Variants in ATXN7L2 observed in about 807,000 individuals in gnomAD.
ATXN7L2 encodes the protein ataxin 7 like 2.
In ATXN7L2, 17 loss-of-function variants were observed where a neutral mutation model predicts 59.6. That is an observed-to-expected ratio of 0.29 (90% CI 0.20 to 0.43). ATXN7L2 has a LOEUF of 0.43. Ranked by LOEUF, ATXN7L2 falls within the 20% of genes least tolerant of loss-of-function variation. ATXN7L2 has a pLI of 1.00. For synonymous variants in ATXN7L2, 378 were observed against 392.5 expected (o/e 0.96, Z 0.44); for missense variants, 858 against 1,008.9 (o/e 0.85, Z 2.03).
chr1:109,491,368 C>G lies in ATXN7L2; in HGVS notation c.1901C>G (p.Ser634Trp), dbSNP rs759451895. 1 of 1,614,248 alleles carries G rather than the reference C, an allele frequency of 6.2e-7. No individual in the cohort carries two copies. Among genetic ancestry groups the G allele is most frequent in the Non-Finnish European group, 8.5e-7 (1 of 1,180,040 alleles). Residue 634 changes from serine to tryptophan, a missense_variant, in exon 10 of 11, where the codon TCG becomes TGG. Ser to Trp is a radical substitution (Grantham distance 177). Coordinates refer to ENST00000683729, the MANE Select transcript of ATXN7L2 (RefSeq NM_001350175.2). The surrounding 1 kb of genome is among the most constrained non-coding windows in gnomAD (Gnocchi z 4.1). ...KGKPSGCRGLSAKTKTALSMG... is the reference protein window; with the variant it reads ...KGKPSGCRGLWAKTKTALSMG... The stretch of plus-strand genomic sequence containing the variant: ...AAACCCTCTGGCTGTAGGGGCCTCT[C>G]GGCCAAAACTAAAACAGCCCTGAGC...
At position 109,488,260 on chromosome 1, in the gene ATXN7L2, G is replaced by C. The variant is rs1656740066; in HGVS notation, c.797-123G>C. 1.1e-6 allele frequency: 1 copy of C among 914,196 alleles called. No homozygotes were observed. The highest frequency in any genetic ancestry group is 1.4e-5 in the South Asian group (1 of 70,400). 56.6% of individuals were successfully genotyped at this position (914,196 alleles called of 1,614,324 possible). A position where few individuals can be genotyped will look rare whatever the true frequency, so the allele number is the denominator to read the frequency against. On this transcript the variant is annotated intron_variant, in intron 5 of 10. Coordinates refer to ENST00000683729, the MANE Select transcript of ATXN7L2 (RefSeq NM_001350175.2). This position sits in a 1 kb window ranked among gnomAD's most constrained non-coding sequence, Gnocchi z 5.0. ...GTTTATCTGGAAGGTACAGCCCCAG[G>C]CTGAGGGCTGGAGTCTCTTCTGCCT...
In ATXN7L2 at chr1:109,491,009, C is replaced by T. The variant is rs1657009488; in HGVS notation, c.1542C>T (p.Cys514=). The change falls in exon 10 of 11, where the codon TGC becomes TGT. Residue 514 remains cysteine (C), a synonymous_variant. Transcript: ENST00000683729. The surrounding 1 kb of genome is among the most constrained non-coding windows in gnomAD (Gnocchi z 4.1). ...TGAGCCCATCCTCTACAGGCACCTG[C>T]CCCCGCCTTCCAGGTCCAACCCTGA... is the stretch of plus-strand genomic sequence containing the variant. The part of the protein sequence containing the change: ...APLSPSSTGT[C]PRLPGPTLRP... 1.9e-6 allele frequency: 3 copies of T among 1,613,364 alleles called. No homozygotes were observed.
rs377600752 is a variant in ATXN7L2 at position 109,488,949 on chromosome 1, A to G, written c.982A>G (p.Lys328Glu). ...CAACTCCCGCAAAGGGGAGTCTCCC[A>G]AGGAGAAGAGCCCAGGGCGCAAGGA... The part of the protein sequence containing the change: ...KANSRKGESP[K>E]EKSPGRKEQV... Residue 328 changes from lysine (K) to glutamate (E), a missense_variant, in exon 7 of 11, where the codon AAG (lysine) becomes GAG (glutamate). Transcript: ENST00000683729. The surrounding 1 kb of genome is among the most constrained non-coding windows in gnomAD (Gnocchi z 5.0). 2 of 1,614,152 alleles carry G rather than the reference A, an allele frequency of 1.2e-6. No homozygotes were observed. The highest frequency in any genetic ancestry group is 1.7e-6 in the Non-Finnish European group (2 of 1,180,026).
intron 10 of ATXN7L2, among the ~76,000 whole-genome samples, chr1:109,492,349 CG>C (rs1263643963): frequency 6.6e-6 from 1 of 152,142 alleles, no homozygotes; most frequent in Non-Finnish European, 1.5e-5. Context: ...GGAGGTGGGA[CG>C]GGGGTGCTCT....
Position 109,491,932 on chromosome 1 carries a change from C to A in ATXN7L2, c.2250+215C>A. On this transcript the variant is annotated intron_variant, in intron 10 of 10. Coordinates refer to ENST00000683729, the MANE Select transcript of ATXN7L2 (RefSeq NM_001350175.2). The surrounding 1 kb of genome is among the most constrained non-coding windows in gnomAD (Gnocchi z 4.1). ...AACCTTCCCCTATCCCTAACCCTTTCCCTTGGGCTGAGGAGATGCGGCACC... is the reference window on the plus strand; with the variant it reads ...AACCTTCCCCTATCCCTAACCCTTTACCTTGGGCTGAGGAGATGCGGCACC... The A allele has an allele frequency of 1.6e-6, 2 of 1,222,652 alleles. No homozygotes were observed. The highest frequency in any genetic ancestry group is 2.1e-6 in the Non-Finnish European group (2 of 930,784). 75.7% of individuals were successfully genotyped at this position (1,222,652 alleles called of 1,614,324 possible).
In ATXN7L2 at chr1:109,491,385, G is replaced by A. The variant is rs972978382; in HGVS notation, c.1918G>A (p.Ala640Thr). 3 of 1,614,150 alleles carry A rather than the reference G, an allele frequency of 1.9e-6. No homozygotes were observed. The African/African-American group carries it at 4.0e-5, about 22-fold the overall frequency. Reference sequence around the variant, plus strand: ...GGGCCTCTCGGCCAAAACTAAAACAGCCCTGAGCATGGGGCTTAATGGGAC... The same window carrying A: ...GGGCCTCTCGGCCAAAACTAAAACAACCCTGAGCATGGGGCTTAATGGGAC... The part of the protein sequence containing the change: ...CRGLSAKTKT[A>T]LSMGLNGTMG... Residue 640 changes from alanine (A) to threonine (T), a missense_variant, in exon 10 of 11, where the codon GCC becomes ACC. This residue lies in a region of ATXN7L2 where 734 missense variants were observed against 862.3 expected (regional missense o/e 0.85). Coordinates refer to ENST00000683729, the MANE Select transcript of ATXN7L2 (RefSeq NM_001350175.2). This position sits in a 1 kb window ranked among gnomAD's most constrained non-coding sequence, Gnocchi z 4.1.
chr1:109,487,686 C>T lies in ATXN7L2; in HGVS notation c.678C>T (p.Gly226=). The T allele has an allele frequency of 6.2e-7, 1 of 1,613,418 alleles. No individual in the cohort carries two copies. Among genetic ancestry groups the T allele is most frequent in the Non-Finnish European group, 8.5e-7 (1 of 1,179,724 alleles). ...CTCCCCCTTCTAAAGAACCTCCTGGCAGAGAGAACATCGAGATCATCCCCA... is the reference window on the plus strand; with the variant it reads ...CTCCCCCTTCTAAAGAACCTCCTGGTAGAGAGAACATCGAGATCATCCCCA... ...PMAPPSKEPP[G]RENIEIIPSE... The change falls in exon 5 of 11, where the codon GGC becomes GGT. Residue 226 remains glycine (G), a synonymous_variant. Coordinates refer to ENST00000683729, the MANE Select transcript of ATXN7L2 (RefSeq NM_001350175.2).
chr1:109,486,393 T>TCGCC lies in ATXN7L2; in HGVS notation c.194-113_194-112insCGCC. ...TGGAAGCATTCAGCATGGAGCTTGT[T>TCGCC]ATATCAGCGGGGAGGTGAAGTGCCT... On this transcript the variant is annotated intron_variant, in intron 2 of 10. Coordinates refer to ENST00000683729, the MANE Select transcript of ATXN7L2 (RefSeq NM_001350175.2). The surrounding 1 kb of genome is among the most constrained non-coding windows in gnomAD (Gnocchi z 4.3). 1 of 995,960 alleles carries TCGCC rather than the reference T, an allele frequency of 1.0e-6. No individual in the cohort carries two copies. Among genetic ancestry groups the TCGCC allele is most frequent in the Non-Finnish European group, 1.5e-6 (1 of 671,086 alleles). 61.7% of individuals were successfully genotyped at this position (995,960 alleles called of 1,614,324 possible).
chr1:109,484,313 G>T (rs1419777446), intron 1 of ATXN7L2, among the ~76,000 whole-genome samples: 2 of 152,042 alleles, frequency 1.3e-5, no homozygotes, highest in African/African-American at 2.4e-5. Context: ...GCCTCTGCCA[G>T]TCGCTAATAC....
chr1:109,489,052 C>G lies in ATXN7L2; in HGVS notation c.1085C>G (p.Thr362Ser). The change falls in exon 7 of 11, where the codon ACC becomes AGC. Residue 362 changes from threonine to serine, a missense_variant. Around this residue, in one of 3 missense-constraint regions of ATXN7L2, gnomAD observed 734 missense variants for 862.3 expected, o/e 0.85. Coordinates refer to ENST00000683729, the MANE Select transcript of ATXN7L2 (RefSeq NM_001350175.2). ...GCAGCGGTGGCTGCTCCCAGCAGCACCTTCTCTGTTCGTGCCAAGCAGACC... is the reference window on the plus strand; with the variant it reads ...GCAGCGGTGGCTGCTCCCAGCAGCAGCTTCTCTGTTCGTGCCAAGCAGACC... ...VVAAVAAPSSTFSVRAKQTYP... is the reference protein window; with the variant it reads ...VVAAVAAPSSSFSVRAKQTYP... 1 of 1,614,146 alleles carries G rather than the reference C, an allele frequency of 6.2e-7. No homozygotes were observed. The highest frequency in any genetic ancestry group is 8.5e-7 in the Non-Finnish European group (1 of 1,180,008).
rs753929611 is a variant in ATXN7L2 at position 109,487,668 on chromosome 1, T to A, written c.660T>A (p.Pro220=). ...DSPGKPPMAP[P]SKEPPGRENI... is the part of the protein sequence containing the mutation. ...CTGGAAAACCTCCCATGGCTCCCCC[T>A]TCTAAAGAACCTCCTGGCAGAGAGA... Residue 220 remains proline (P), a synonymous_variant, in exon 5 of 11, where the codon CCT becomes CCA. Coordinates refer to ENST00000683729, the MANE Select transcript of ATXN7L2 (RefSeq NM_001350175.2). 1 of 1,612,180 alleles carries A rather than the reference T, an allele frequency of 6.2e-7. No homozygotes were observed. The highest frequency in any genetic ancestry group is 8.5e-7 in the Non-Finnish European group (1 of 1,179,194).
chr1:109,491,164 C>T lies in ATXN7L2; in HGVS notation c.1697C>T (p.Ser566Leu), dbSNP rs749293393. 16 of 1,613,742 alleles carry T rather than the reference C, an allele frequency of 9.9e-6. 2 individuals carry two copies. The South Asian group carries it at 1.3e-4, about 13-fold the overall frequency. ...ECMGGSQAIT[S>L]PLPANTPSPS... is the part of the protein sequence containing the mutation. The stretch of plus-strand genomic sequence containing the variant: ...ATGGGCGGGAGCCAGGCTATCACCT[C>T]ACCACTGCCTGCCAACACGCCATCC... The change falls in exon 10 of 11, where the codon TCA becomes TTA. Residue 566 changes from serine to leucine, a missense_variant. Physicochemically the swap from Ser to Leu is moderately radical, Grantham distance 145. This residue lies in a region of ATXN7L2 where 734 missense variants were observed against 862.3 expected (regional missense o/e 0.85). Coordinates refer to ENST00000683729, the MANE Select transcript of ATXN7L2 (RefSeq NM_001350175.2). The surrounding 1 kb of genome is among the most constrained non-coding windows in gnomAD (Gnocchi z 4.1).
chr1:109,490,410 A>G lies in ATXN7L2; in HGVS notation c.1454+18A>G. The stretch of plus-strand genomic sequence containing the variant: ...ATGTGGAAGTAAGTCTCTCGGACCC[A>G]GAATGGAAGTTCTAGAATGGAAATT... On this transcript the variant is annotated intron_variant, in intron 9 of 10. Coordinates refer to ENST00000683729, the MANE Select transcript of ATXN7L2 (RefSeq NM_001350175.2). The G allele has an allele frequency of 6.2e-7, 1 of 1,609,486 alleles. No individual in the cohort carries two copies. Among genetic ancestry groups the G allele is most frequent in the South Asian group, 1.1e-5 (1 of 90,900 alleles).
rs763034206 is a variant in ATXN7L2, at chr1:109,488,434, A to G, written c.848A>G (p.Lys283Arg). 20 of 1,607,214 alleles carry G rather than the reference A, an allele frequency of 1.2e-5. No individual in the cohort carries two copies. Among genetic ancestry groups the G allele is most frequent in the Admixed American group, 1.7e-5 (1 of 59,582 alleles). Residue 283 changes from lysine (K) to arginine (R), a missense_variant, in exon 6 of 11, where the codon AAA becomes AGA. Physicochemically the swap from Lys to Arg is conservative, Grantham distance 26 (BLOSUM62 2). Around this residue, in one of 3 missense-constraint regions of ATXN7L2, gnomAD observed 734 missense variants for 862.3 expected, o/e 0.85. Transcript: ENST00000683729. This position sits in a 1 kb window ranked among gnomAD's most constrained non-coding sequence, Gnocchi z 5.0. ...RQCGVINPET[K>R]KICTRLLTCK... ...TGTGGGGTAATAAATCCAGAGACCA[A>G]AAAGATCTGTACCCGCCTGTTGACC...
intron 4 of ATXN7L2, 45 bp downstream of exon 4, chr1:109,487,262 C>G (rs747960071): frequency 9.0e-6 from 13 of 1,446,534 alleles, no homozygotes; most frequent in Non-Finnish European, 1.1e-5. Context: ...CTGACCCTGA[C>G]CCATGGATGG....
At position 109,489,032 on chromosome 1, in the gene ATXN7L2, G is replaced by T. The variant is rs746711045; in HGVS notation, c.1065G>T (p.Ala355=). ...CCTCCTCAGTCCAGGTTGTAGCAGC[G>T]GTGGCTGCTCCCAGCAGCACCTTCT... ...ELPSSVQVVA[A]VAAPSSTFSV... is the part of the protein sequence containing the mutation. Residue 355 remains alanine (A), a synonymous_variant, in exon 7 of 11, where the codon GCG becomes GCT. Coordinates refer to ENST00000683729, the MANE Select transcript of ATXN7L2 (RefSeq NM_001350175.2). The T allele has an allele frequency of 1.2e-6, 2 of 1,614,014 alleles. No individual in the cohort carries two copies. The highest frequency in any genetic ancestry group is 1.6e-4 in the Middle Eastern group (1 of 6,084).
Position 109,492,652 on chromosome 1 carries a change from A to T in ATXN7L2, c.*52A>T, listed in dbSNP as rs1390472044. 6.2e-7 allele frequency: 1 copy of T among 1,606,398 alleles called. No individual in the cohort carries two copies. The highest frequency in any genetic ancestry group is 2.2e-5 in the East Asian group (1 of 44,752). ...GAGCCGCCAGCACCTCCTCCCCTCC[A>T]GATCCGGGCCCCAGGCTGCTGCCGC... is the stretch of plus-strand genomic sequence containing the variant. On this transcript the variant is annotated 3_prime_UTR_variant, in exon 11 of 11. Transcript: ENST00000683729.
downstream of ATXN7L2, chr1:109,492,776 CAGAAACAT>C (rs1571100572): frequency 1.3e-6 from 1 of 760,136 alleles, no homozygotes; most frequent in Non-Finnish European, 2.0e-6. Context: ...AATATAAAAA[CAGAAACAT>C]AGAAAAGGAA....
intron 7 of ATXN7L2, chr1:109,489,459 C>T (rs1344410549): frequency 5.8e-6 from 2 of 347,080 alleles, no homozygotes; most frequent in Admixed American, 4.5e-5. Context: ...CGTGCAGAGG[C>T]TATGCCGGAC....
Sources: allele counts gnomAD v4.1 joint callset (sites outside exome capture counted in the v4.1 genomes callset), GRCh38; gene constraint gnomAD v4.1.1; regional missense constraint gnomAD v4.1.1; non-coding constraint Gnocchi (gnomAD v3.1); transcripts MANE v1.5; gene names NCBI Gene and HGNC (gene_info 2026-07-23, HGNC 2026-07-21).